The following SUMF1 variants were observed in gnomAD, a reference collection of about 807,000 sequenced individuals.
The protein encoded by SUMF1 is formylglycine-generating enzyme.
In SUMF1, 48 loss-of-function variants were observed where a neutral mutation model predicts 47.6. That is an observed-to-expected ratio of 1.01 (90% CI 0.80 to 1.28). SUMF1 has a LOEUF of 1.28. SUMF1 is among the 50% of genes most tolerant of loss of function. The pLI is 0.00. For synonymous variants in SUMF1, 230 were observed against 192.1 expected, an observed-to-expected ratio of 1.20 and a Z score of -1.63; for missense variants, 571 against 485.4, an observed-to-expected ratio of 1.18 and a Z score of -1.66.
intron 7 of SUMF1, among the ~76,000 whole-genome samples, chr3:4,382,334 ATG>A (rs1184322932): frequency 1.3e-4 from 16 of 118,758 alleles, no homozygotes; most frequent in African/African-American, 5.5e-4. Flanking sequence ...ACACACATAC[ATG>A]CACACACACA....
intron 8 of SUMF1, among the ~76,000 whole-genome samples, chr3:4,153,726 T>C (rs1364373829): frequency 6.6e-6 from 1 of 151,600 alleles, no homozygotes; most frequent in Non-Finnish European, 1.5e-5. Flanking sequence ...TCACCTCCTT[T>C]GTATAGTTAT....
intron 7 of SUMF1, among the ~76,000 whole-genome samples, chr3:4,382,336 G>GCACACACACACCACACA (rs143701343): frequency 0.014 from 2,039 of 149,434 alleles, 44 homozygotes; most frequent in African/African-American, 0.047. Context: ...ACACATACAT[G>GCACACACACACCACACA]CACACACACA....
chr3:4,286,254 T>G (rs1438063858), intron 8 of SUMF1, among the ~76,000 whole-genome samples: 1 of 152,014 alleles, frequency 6.6e-6, no homozygotes, highest in Non-Finnish European at 1.5e-5. Context: ...ATTATCAGAA[T>G]AAAAATACTA....
chr3:4,158,336 A>AT (rs779783800), intron 8 of SUMF1, among the ~76,000 whole-genome samples: 19 of 151,362 alleles, frequency 1.3e-4, no homozygotes, highest in East Asian at 5.8e-4. Flanking sequence ...ATTGTTTTGA[A>AT]TTTTTTTTGA....
intron 8 of SUMF1, among the ~76,000 whole-genome samples, chr3:4,205,473 T>G (rs759113797): frequency 1.3e-5 from 2 of 152,212 alleles, no homozygotes; most frequent in Non-Finnish European, 2.9e-5. Context: ...TCTTGGTGCT[T>G]GCAGATATTC....
chr3:4,440,736 G>C lies in SUMF1; in HGVS notation c.519+8530C>G, dbSNP rs371977172. Among the ~76,000 whole-genome samples the C allele has an allele frequency of 7.7e-4, 118 of 152,288 alleles. 1 individual carries two copies. The highest frequency in any genetic ancestry group is 6.6e-4 in the Non-Finnish European group (45 of 68,016). On this transcript the variant is annotated intron_variant, in intron 3 of 8. Transcript: ENST00000272902. ...CTTTCAGTTGAAAGAACTTAAAATAGCCTACTCCTCTCATTTGTCAAGGAT... is the reference window on the plus strand; with the variant it reads ...CTTTCAGTTGAAAGAACTTAAAATACCCTACTCCTCTCATTTGTCAAGGAT...
intron 8 of SUMF1, among the ~76,000 whole-genome samples, chr3:4,178,062 C>CA (rs1018710516): frequency 6.6e-6 from 1 of 151,910 alleles, no homozygotes; most frequent in Non-Finnish European, 1.5e-5. Context: ...GCCTACCAGC[C>CA]AAAAAAAGTC....
intron 8 of SUMF1, among the ~76,000 whole-genome samples, chr3:4,222,901 C>T (rs1438004819): frequency 1.3e-5 from 2 of 152,138 alleles, no homozygotes; most frequent in South Asian, 4.1e-4. Context: ...TGATGTGCCC[C>T]GAGTCCTACA....
intron 7 of SUMF1, among the ~76,000 whole-genome samples, chr3:4,389,197 T>C (rs947072000): frequency 2.0e-5 from 3 of 152,200 alleles, no homozygotes; most frequent in Admixed American, 1.3e-4. Context: ...TCTTGATTTC[T>C]CCTTATTCCA....
At chr3:4,281,609 C>A (rs1200425956) in intron 8 of SUMF1, among the ~76,000 whole-genome samples, 4 of 151,828 alleles carry the variant, frequency 2.6e-5, no homozygotes, top group Non-Finnish European at 4.4e-5. Flanking sequence ...GTTTACAGTT[C>A]AGGGATGAGA....
chr3:4,121,542 T>A (rs977862100), intron 8 of SUMF1, among the ~76,000 whole-genome samples: 1 of 152,122 alleles, frequency 6.6e-6, no homozygotes, highest in African/African-American at 2.4e-5. Flanking sequence ...AGAACCACCA[T>A]TGAGGCTCCT....
At chr3:4,224,195 T>G (rs981610497) in intron 8 of SUMF1, among the ~76,000 whole-genome samples, 1 of 151,972 alleles carries the variant, frequency 6.6e-6, no homozygotes, top group Non-Finnish European at 1.5e-5. Context: ...AGCAGATTGG[T>G]GCAGATAAAG....
At chr3:4,237,930 A>G (rs1372635111) in intron 8 of SUMF1, among the ~76,000 whole-genome samples, 3 of 151,334 alleles carry the variant, frequency 2.0e-5, no homozygotes, top group African/African-American at 4.9e-5. Context: ...TCCCTCCCCT[A>G]GCCCCACAAC....
intron 6 of SUMF1, among the ~76,000 whole-genome samples, chr3:4,412,234 T>C (rs1413524564): frequency 6.6e-6 from 1 of 152,122 alleles, no homozygotes; most frequent in Admixed American, 6.5e-5. Flanking sequence ...CCTCAACTAG[T>C]TTAATGAGGG....
At chr3:4,242,652 A>T (rs1165288525) in intron 8 of SUMF1, among the ~76,000 whole-genome samples, 1 of 152,132 alleles carries the variant, frequency 6.6e-6, no homozygotes, top group East Asian at 1.9e-4. Context: ...AAGCTTTTTG[A>T]TGTGCTGCTG....
intron 8 of SUMF1, chr3:4,303,954 T>C (rs1698068431): frequency 1.5e-5 from 14 of 952,200 alleles, no homozygotes; most frequent in Non-Finnish European, 1.9e-5. Context: ...AGCTGTGGTC[T>C]CCCTCACGCT....
At chr3:4,122,716 G>A (rs1284612608) in intron 8 of SUMF1, among the ~76,000 whole-genome samples, 1 of 152,190 alleles carries the variant, frequency 6.6e-6, no homozygotes, top group Non-Finnish European at 1.5e-5. Context: ...ACTAAAATCT[G>A]TTGAGAAGGA....
intron 8 of SUMF1, among the ~76,000 whole-genome samples, chr3:4,295,049 A>G (rs938756706): frequency 8.5e-5 from 13 of 152,198 alleles, no homozygotes; most frequent in Non-Finnish European, 1.8e-4. Flanking sequence ...CCTGGTTGAA[A>G]TATCTAAAAA....
chr3:4,134,851 CAA>C (rs1470295723), intron 8 of SUMF1, among the ~76,000 whole-genome samples: 1 of 152,138 alleles, frequency 6.6e-6, no homozygotes, highest in Non-Finnish European at 1.5e-5. Context: ...CACCTCTACA[CAA>C]ATAAACTAGA....
Sources: gnomAD v4.1 joint callset for allele counts (sites outside exome capture counted in the v4.1 genomes callset) on GRCh38, gnomAD v4.1.1 for gene constraint, MANE v1.5 for transcripts, NCBI Gene and HGNC (gene_info 2026-07-23, HGNC 2026-07-21) for gene names.